MAML3: variants seen among roughly 807,000 people sequenced by gnomAD.
MAML3 encodes the protein mastermind like transcriptional coactivator 3.
In MAML3, 27 loss-of-function variants were observed where a neutral mutation model predicts 101.9. The observed-to-expected ratio is 0.27, with a 90% CI of 0.20 to 0.37. The LOEUF is 0.37. Ranked by LOEUF, MAML3 falls within the 10% of genes least tolerant of loss-of-function variation. The pLI, the probability that MAML3 is intolerant of heterozygous loss-of-function variation, is 1.00. For missense variants in MAML3, 1,316 were observed against 1,444.9 expected (o/e 0.91, Z 1.45); for synonymous variants, 501 against 555.9 (o/e 0.90, Z 1.39).
At chr4:140,092,884 C>G (rs1479022057) in intron 1 of MAML3, among the ~76,000 whole-genome samples, 1 of 151,900 alleles carries the variant, frequency 6.6e-6, no homozygotes, top group Non-Finnish European at 1.5e-5. Context: ...AAATTTGAGC[C>G]CTAAGTACCA....
intron 2 of MAML3, among the ~76,000 whole-genome samples, chr4:139,846,638 A>G (rs79870830): frequency 0.037 from 5,663 of 152,266 alleles, 143 homozygotes; most frequent in African/African-American, 0.072. Context: ...GTGAGCCACC[A>G]TGCCCAGACT....
chr4:139,832,127 CAG>C (rs1168211133), intron 2 of MAML3, among the ~76,000 whole-genome samples: 3 of 58,268 alleles, frequency 5.1e-5, no homozygotes, highest in East Asian at 5.1e-4. Flanking sequence ...TTTTTTGAGA[CAG>C]AGTCTTTCTC....
chr4:139,787,843 C>T (rs998258546), intron 2 of MAML3, among the ~76,000 whole-genome samples: 1 of 152,212 alleles, frequency 6.6e-6, no homozygotes, highest in Non-Finnish European at 1.5e-5. Context: ...ACTACCCAAT[C>T]CCCTAGTTTG....
intron 2 of MAML3, among the ~76,000 whole-genome samples, chr4:139,810,964 A>G (rs542582459): frequency 6.6e-6 from 1 of 152,062 alleles, no homozygotes; most frequent in Non-Finnish European, 1.5e-5. Flanking sequence ...TGTTTTCTTC[A>G]TTTTCCTCTG....
At chr4:139,748,950 G>A (rs776977786) in intron 2 of MAML3, among the ~76,000 whole-genome samples, 3 of 152,114 alleles carry the variant, frequency 2.0e-5, no homozygotes, top group Non-Finnish European at 4.4e-5. Flanking sequence ...CTGCTTCTTT[G>A]GTGAATAGAG....
chr4:139,994,803 G>GTGTA (rs1206375028), intron 1 of MAML3, among the ~76,000 whole-genome samples: 5 of 152,022 alleles, frequency 3.3e-5, no homozygotes, highest in Admixed American at 1.3e-4. Flanking sequence ...GTGTGTGTGT[G>GTGTA]TGTGTATGTG....
At chr4:139,912,673 A>G (rs1309782099) in intron 1 of MAML3, among the ~76,000 whole-genome samples, 3 of 152,238 alleles carry the variant, frequency 2.0e-5, no homozygotes, top group Non-Finnish European at 4.4e-5. Flanking sequence ...AAACACGAAG[A>G]CATACAGGGA....
At chr4:139,855,786 C>A (rs958786755) in intron 2 of MAML3, among the ~76,000 whole-genome samples, 3 of 152,142 alleles carry the variant, frequency 2.0e-5, no homozygotes, top group Non-Finnish European at 2.9e-5. Flanking sequence ...TTTTTAAGTT[C>A]TAATTTTCAT....
intron 1 of MAML3, among the ~76,000 whole-genome samples, chr4:140,141,439 G>A (rs1728979027): frequency 6.6e-6 from 1 of 152,148 alleles, no homozygotes; most frequent in Non-Finnish European, 1.5e-5. Flanking sequence ...TCACAGACCT[G>A]AGATTTTTAT....
At chr4:140,101,501 G>A (rs1442339288) in intron 1 of MAML3, among the ~76,000 whole-genome samples, 2 of 152,036 alleles carry the variant, frequency 1.3e-5, no homozygotes, top group Non-Finnish European at 2.9e-5. Flanking sequence ...CAGATATTGG[G>A]GCAAATGTGG....
At chr4:140,099,777 C>T (rs1728225361) in intron 1 of MAML3, among the ~76,000 whole-genome samples, 1 of 152,168 alleles carries the variant, frequency 6.6e-6, no homozygotes, top group Admixed American at 6.5e-5. Flanking sequence ...CTCTCAAAAC[C>T]TTTCTTTTCC....
intron 1 of MAML3, among the ~76,000 whole-genome samples, chr4:140,027,609 A>G (rs1158376359): frequency 1.3e-5 from 2 of 152,202 alleles, no homozygotes; most frequent in African/African-American, 4.8e-5. Context: ...TACAAATTTA[A>G]TGAATGTGTT....
intron 1 of MAML3, among the ~76,000 whole-genome samples, chr4:139,931,982 G>A (rs1167855572): frequency 6.6e-6 from 1 of 151,990 alleles, no homozygotes; most frequent in African/African-American, 2.4e-5. Context: ...TGGTGCCACT[G>A]CACTCCAGCC....
intron 1 of MAML3, among the ~76,000 whole-genome samples, chr4:139,986,376 T>C (rs905981038): frequency 1.3e-5 from 2 of 152,210 alleles, no homozygotes; most frequent in Non-Finnish European, 2.9e-5. Flanking sequence ...GCCGAGAAAA[T>C]GGTGTAGCCA....
chr4:139,908,096 C>T (rs1316180583), intron 1 of MAML3, among the ~76,000 whole-genome samples: 1 of 152,200 alleles, frequency 6.6e-6, no homozygotes, highest in African/African-American at 2.4e-5. Flanking sequence ...TAACTATGCT[C>T]TGCTGCCATT....
rs1180588617 is a variant in MAML3 at position 139,890,198 on chromosome 4, C to G, written c.1238G>C (p.Cys413Ser). The G allele has an allele frequency of 6.2e-7, 1 of 1,613,230 alleles. No homozygotes were observed. Among genetic ancestry groups the G allele is most frequent in the African/African-American group, 1.3e-5 (1 of 74,886 alleles). Residue 413 changes from cysteine (C) to serine (S), a missense_variant, in exon 2 of 5, where the codon TGT (cysteine) becomes TCT (serine). Coordinates refer to ENST00000509479, the MANE Select transcript of MAML3 (RefSeq NM_018717.5). The surrounding 1 kb of genome is among the most constrained non-coding windows in gnomAD (Gnocchi z 4.1). The stretch of plus-strand genomic sequence containing the variant: ...TGGAGTTTGAGGGGACTGGACAGCA[C>G]AGTTTGCTGGTGAGCTTGCAGGGTT... Reference protein sequence around the residue: ...APNPASSPANCAVQSPQTPNQ... With the variant: ...APNPASSPANSAVQSPQTPNQ...
intron 1 of MAML3, among the ~76,000 whole-genome samples, chr4:139,892,362 C>T (rs1402475514): frequency 2.6e-5 from 4 of 152,262 alleles, no homozygotes; most frequent in African/African-American, 7.2e-5. Context: ...AAACCTCCCA[C>T]GTCAGCAATC....
intron 1 of MAML3, among the ~76,000 whole-genome samples, chr4:139,900,025 G>A (rs1732685588): frequency 6.6e-6 from 1 of 151,812 alleles, no homozygotes; most frequent in African/African-American, 2.4e-5. Flanking sequence ...AATAATAGCT[G>A]CAGAGTCCCA....
In MAML3 at chr4:140,124,322, T is replaced by G. The variant is rs1728653454; in HGVS notation, c.468+28538A>C. On this transcript the variant is annotated intron_variant, in intron 1 of 4. Transcript: ENST00000509479. Reference sequence around the variant, plus strand: ...CTGAAACATTGCCCAAGATACAACCTTCTTGATTAGCTCCTCAATATGCCC... The same window carrying G: ...CTGAAACATTGCCCAAGATACAACCGTCTTGATTAGCTCCTCAATATGCCC... Among the ~76,000 whole-genome samples, 3 of 152,296 alleles carry G rather than the reference T, an allele frequency of 2.0e-5. No homozygotes were observed. The South Asian group carries it at 6.2e-4, about 32-fold the overall frequency.
Sources: allele counts gnomAD v4.1 joint callset (sites outside exome capture counted in the v4.1 genomes callset), GRCh38; gene constraint gnomAD v4.1.1; non-coding constraint Gnocchi (gnomAD v3.1); transcripts MANE v1.5; gene names NCBI Gene and HGNC (gene_info 2026-07-23, HGNC 2026-07-21).